C8A: variants seen among roughly 807,000 people sequenced by gnomAD.
C8A encodes complement C8 alpha chain.
In C8A, 67 loss-of-function variants were observed where a neutral mutation model predicts 65.3. The ratio of observed to expected loss-of-function variants is 1.03; its 90% CI spans 0.84 to 1.26. The LOEUF is 1.26. C8A is among the 50% of genes most tolerant of loss of function. The pLI is 0.00. For missense variants in C8A, 781 were observed against 723.9 expected (o/e 1.08, Z -0.90); for synonymous variants, 290 against 259.4 (o/e 1.12, Z -1.13).
Position 56,874,945 on chromosome 1 carries a change from T to G in C8A, c.172-4T>G, listed in dbSNP as rs1644183340. 1.9e-6 allele frequency: 3 copies of G among 1,613,504 alleles called. No homozygotes were observed. The African/African-American group carries it at 4.0e-5, about 22-fold the overall frequency. ...GAATGTGTCTTGTTCAAAATCTGGTTTAGTACCGACACCGGAGCCTCTTGC... is the reference window on the plus strand; with the variant it reads ...GAATGTGTCTTGTTCAAAATCTGGTGTAGTACCGACACCGGAGCCTCTTGC... On this transcript the variant is annotated splice_polypyrimidine_tract_variant and splice_region_variant and intron_variant, in intron 2 of 10. Coordinates refer to ENST00000361249, the MANE Select transcript of C8A (RefSeq NM_000562.3).
At chr1:56,900,249 C>T (rs1644416708) in intron 7 of C8A, among the ~76,000 whole-genome samples, 1 of 152,164 alleles carries the variant, frequency 6.6e-6, no homozygotes, top group African/African-American at 2.4e-5. Context: ...AATGGAGCAT[C>T]CATTGTGTTT....
chr1:56,897,212 G>A lies in C8A; in HGVS notation c.1097-9455G>A, dbSNP rs570988883. On this transcript the variant is annotated intron_variant, in intron 7 of 10. Transcript: ENST00000361249. ...TATCTATTTCTAAATGTAATGTTGA[G>A]TCAGTTTGACCCATTGATTGGGAAT... Among the ~76,000 whole-genome samples, 62 of 152,302 alleles carry A rather than the reference G, an allele frequency of 4.1e-4. 1 individual carries two copies. The highest frequency in any genetic ancestry group is 6.8e-3 in the Middle Eastern group (2 of 294).
At chr1:56,886,259 G>A (rs1360867413) in intron 7 of C8A, 92 bp downstream of exon 7, 8 of 1,489,574 alleles carry the variant, frequency 5.4e-6, no homozygotes, top group African/African-American at 1.4e-5. Flanking sequence ...TGAGCCATGG[G>A]TGATCTCATT....
At chr1:56,888,525 C>T (rs1644318905) in intron 7 of C8A, among the ~76,000 whole-genome samples, 1 of 151,876 alleles carries the variant, frequency 6.6e-6, no homozygotes, top group African/African-American at 2.4e-5. Flanking sequence ...TGAACAACAA[C>T]AAAGGACAGA....
intron 4 of C8A, among the ~76,000 whole-genome samples, chr1:56,876,892 C>T (rs1206508034): frequency 3.3e-5 from 5 of 152,126 alleles, no homozygotes; most frequent in Admixed American, 1.3e-4. Context: ...ATCTAATGTT[C>T]TGCACTGAAT....
Position 56,872,780 on chromosome 1 carries a change from G to A in C8A, c.172-2169G>A, listed in dbSNP as rs564659303. The stretch of plus-strand genomic sequence containing the variant: ...AGGAAATTATAGAAATGTATTTAAT[G>A]TGGATAGCAGTTACACTTCAAAGAG... On this transcript the variant is annotated intron_variant, in intron 2 of 10. Transcript: ENST00000361249. 2.6e-5 allele frequency among the ~76,000 whole-genome samples: 4 copies of A among 152,208 alleles called. No homozygotes were observed. The South Asian group carries it at 8.3e-4, about 32-fold the overall frequency.
intron 4 of C8A, among the ~76,000 whole-genome samples, chr1:56,878,499 C>T (rs1644218893): frequency 1.3e-5 from 2 of 152,168 alleles, no homozygotes; most frequent in Admixed American, 1.3e-4. Context: ...GCTTTCTGAA[C>T]AGTGTGCTTC....
chr1:56,885,028 C>G (rs1025689568), intron 6 of C8A, among the ~76,000 whole-genome samples: 1 of 151,018 alleles, frequency 6.6e-6, no homozygotes, highest in Non-Finnish European at 1.5e-5. Context: ...CTTTGATTAG[C>G]ACTAGGAGAA....
intron 4 of C8A, among the ~76,000 whole-genome samples, chr1:56,878,880 A>C (rs1306038522): frequency 6.6e-6 from 1 of 152,180 alleles, no homozygotes; most frequent in East Asian, 1.9e-4. Flanking sequence ...CATTATAGAC[A>C]CAGGTATATT....
intron 1 of C8A, among the ~76,000 whole-genome samples, chr1:56,863,703 C>T (rs187337935): frequency 6.6e-6 from 1 of 152,248 alleles, no homozygotes; most frequent in Non-Finnish European, 1.5e-5. Context: ...TGTAACCAAC[C>T]CTGAGCCATT....
At chr1:56,881,685 AG>A in intron 5 of C8A, 51 bp downstream of exon 5, 1 of 1,522,092 alleles carries the variant, frequency 6.6e-7, no homozygotes, top group Non-Finnish European at 9.1e-7. Flanking sequence ...GGTGGCAGAG[AG>A]GCAGAGGCCT....
At chr1:56,867,488 A>G (rs1644102011) in intron 1 of C8A, 121 bp from the exon 2 acceptor site, 1 of 739,224 alleles carries the variant, frequency 1.4e-6, no homozygotes, top group African/African-American at 1.7e-5. Context: ...TAGGAGTACA[A>G]TAAATGTTCA....
chr1:56,901,101 CA>C (rs1644423231), intron 7 of C8A, among the ~76,000 whole-genome samples: 2 of 152,236 alleles, frequency 1.3e-5, no homozygotes, highest in South Asian at 4.1e-4. Context: ...AACAGAAACA[CA>C]AAGGGGACAG....
intron 7 of C8A, among the ~76,000 whole-genome samples, chr1:56,899,010 C>T (rs1470853422): frequency 2.0e-5 from 3 of 152,134 alleles, no homozygotes; most frequent in Admixed American, 1.3e-4. Flanking sequence ...TGCTAACCAA[C>T]CAGTCACCCG....
chr1:56,882,606 G>A (rs543807826), intron 5 of C8A, among the ~76,000 whole-genome samples: 1 of 152,016 alleles, frequency 6.6e-6, no homozygotes, highest in Non-Finnish European at 1.5e-5. Flanking sequence ...CAGAAAATAA[G>A]GCCAAGCTTA....
At chr1:56,878,027 C>T (rs1644214497) in intron 4 of C8A, among the ~76,000 whole-genome samples, 1 of 152,200 alleles carries the variant, frequency 6.6e-6, no homozygotes, top group African/African-American at 2.4e-5. Flanking sequence ...TCTCACAATT[C>T]TGGAGACTAG....
chr1:56,861,522 C>T (rs1421225139), intron 1 of C8A, among the ~76,000 whole-genome samples: 7 of 152,180 alleles, frequency 4.6e-5, no homozygotes, highest in Non-Finnish European at 5.9e-5. Context: ...ATGACCCAAA[C>T]ACCTCCCACC....
At chr1:56,861,034 A>G (rs1408709713) in intron 1 of C8A, among the ~76,000 whole-genome samples, 3 of 152,210 alleles carry the variant, frequency 2.0e-5, no homozygotes, top group Non-Finnish European at 2.9e-5. Context: ...AAAGGAGTCT[A>G]TTTGGCTCAT....
At chr1:56,855,494 G>T (rs1261638383) in intron 1 of C8A, among the ~76,000 whole-genome samples, 1 of 152,070 alleles carries the variant, frequency 6.6e-6, no homozygotes, top group Non-Finnish European at 1.5e-5. Context: ...GAAGGCAAAG[G>T]ACTATAGAGA....
Sources: allele counts gnomAD v4.1 joint callset (sites outside exome capture counted in the v4.1 genomes callset), GRCh38; gene constraint gnomAD v4.1.1; transcripts MANE v1.5; gene names NCBI Gene and HGNC (gene_info 2026-07-23, HGNC 2026-07-21).